RASA3: variants seen among roughly 807,000 people sequenced by gnomAD.
The protein encoded by RASA3 is RAS p21 protein activator 3, also known as ras GTPase-activating protein 3.
RASA3 carries 73 observed loss-of-function variants against 110.0 expected under a neutral mutation model. The observed-to-expected ratio is 0.66, with a 90% CI of 0.55 to 0.81. RASA3 has a LOEUF of 0.81. Among genes scored for constraint, RASA3 ranks in the 30% least tolerant of loss-of-function variants. The pLI is 0.00. For missense variants in RASA3, 976 were observed against 1,113.2 expected (o/e 0.88, Z 1.75); for synonymous variants, 500 against 451.4 (o/e 1.11, Z -1.37).
rs781521643 is a variant in RASA3 at position 114,052,039 on chromosome 13, A to G, written c.277+13T>C. ...GGCAGAAAAGGGGAAGTAAATGCTC[A>G]TTCATCACCTACCTATGATGGAATC... On this transcript the variant is annotated intron_variant, in intron 3 of 23. Coordinates refer to ENST00000334062, the MANE Select transcript of RASA3 (RefSeq NM_007368.4). 1 of 1,565,276 alleles carries G rather than the reference A, an allele frequency of 6.4e-7. No homozygotes were observed. The highest frequency in any genetic ancestry group is 1.7e-5 in the Admixed American group (1 of 59,900).
chr13:114,063,696 G>A (rs1274473174), intron 2 of RASA3, among the ~76,000 whole-genome samples: 3 of 152,200 alleles, frequency 2.0e-5, no homozygotes, highest in African/African-American at 7.2e-5. Flanking sequence ...CCCTGGGAAC[G>A]CAGATCTGTG....
At chr13:114,013,901 TC>T (rs2053720007) in intron 14 of RASA3, among the ~76,000 whole-genome samples, 1 of 30,550 alleles carries the variant, frequency 3.3e-5, no homozygotes, top group African/African-American at 4.6e-4. Flanking sequence ...TCTTTTTCTC[TC>T]TTTCTCTGTC....
intron 2 of RASA3, among the ~76,000 whole-genome samples, chr13:114,064,269 T>C (rs1695209437): frequency 6.6e-6 from 1 of 152,180 alleles, no homozygotes; most frequent in African/African-American, 2.4e-5. Context: ...GTGGGCAGAA[T>C]GGCCTACGCC....
At chr13:114,091,907 G>C (rs947943328) in intron 1 of RASA3, among the ~76,000 whole-genome samples, 1 of 152,046 alleles carries the variant, frequency 6.6e-6, no homozygotes. Context: ...ACCTTGGTAG[G>C]TTGTATGTGT....
At chr13:114,097,201 G>C (rs2079957976) in intron 1 of RASA3, among the ~76,000 whole-genome samples, 1 of 152,242 alleles carries the variant, frequency 6.6e-6, no homozygotes. Flanking sequence ...GAACTGTCCA[G>C]GGGCGAGAGG....
chr13:114,027,708 A>G, intron 6 of RASA3, 139 bp downstream of exon 6: 1 of 964,536 alleles, frequency 1.0e-6, no homozygotes, highest in Admixed American at 2.0e-5. Context: ...AAAGAAAACA[A>G]AAGGAAGTAA....
Position 114,016,251 on chromosome 13 carries a change from G to C in RASA3, c.1227C>G (p.Pro409=), listed in dbSNP as rs2053788909. ...TCAACTTCACAGGGTCGATTTCACA[G>C]GGTTTGTGGCTCTGGCATATCTGGG... is the stretch of plus-strand genomic sequence containing the variant. ...AIEEICQSHK[P]CEIDPVKLKD... The change falls in exon 13 of 24, where the codon CCC becomes CCG. Residue 409 remains proline (P), a synonymous_variant. Coordinates refer to ENST00000334062, the MANE Select transcript of RASA3 (RefSeq NM_007368.4). 1.3e-6 allele frequency: 2 copies of C among 1,599,126 alleles called. No individual in the cohort carries two copies. Among genetic ancestry groups the C allele is most frequent in the African/African-American group, 2.7e-5 (2 of 74,542 alleles).
At chr13:113,996,492 T>G in intron 21 of RASA3, 39 bp downstream of exon 21, 1 of 1,584,776 alleles carries the variant, frequency 6.3e-7, no homozygotes, top group Non-Finnish European at 8.6e-7. Context: ...CCACATTTCC[T>G]GCACAGTGCA....
At chr13:114,125,103 G>GCTT (rs2080427769) in intron 1 of RASA3, among the ~76,000 whole-genome samples, 1 of 152,078 alleles carries the variant, frequency 6.6e-6, no homozygotes, top group Non-Finnish European at 1.5e-5. Context: ...CTCTCATTTT[G>GCTT]CTTCTTTTGA....
intron 1 of RASA3, among the ~76,000 whole-genome samples, chr13:114,100,903 C>T (rs1055728727): frequency 6.6e-6 from 1 of 152,210 alleles, no homozygotes; most frequent in African/African-American, 2.4e-5. Context: ...CTGAGAATGC[C>T]ACACAATTTT....
At chr13:114,104,394 T>TCCCC (rs2080105955) in intron 1 of RASA3, among the ~76,000 whole-genome samples, 1 of 148,542 alleles carries the variant, frequency 6.7e-6, no homozygotes. Context: ...CACCCACTGG[T>TCCCC]GATGCGGCCT....
intron 1 of RASA3, among the ~76,000 whole-genome samples, chr13:114,093,818 T>C (rs2079913748): frequency 6.6e-6 from 1 of 152,214 alleles, no homozygotes; most frequent in Non-Finnish European, 1.5e-5. Flanking sequence ...TCCTTCTATT[T>C]GATCAGTTCT....
chr13:114,046,562 C>T lies in RASA3; in HGVS notation c.278-5468G>A, dbSNP rs147125233. On this transcript the variant is annotated intron_variant, in intron 3 of 23. Coordinates refer to ENST00000334062, the MANE Select transcript of RASA3 (RefSeq NM_007368.4). ...AAAAAGGGTGGTAATTTCCGAGTCA[C>T]GGGGTTGTTCCTATGGAAAGGGGTG... Among the ~76,000 whole-genome samples the T allele has an allele frequency of 6.0e-3, 907 of 152,308 alleles. 7 individuals carry two copies. The highest frequency in any genetic ancestry group is 0.041 in the Middle Eastern group (12 of 294).
intron 1 of RASA3, among the ~76,000 whole-genome samples, chr13:114,120,778 T>C (rs1049896724): frequency 2.0e-5 from 3 of 152,234 alleles, no homozygotes; most frequent in Non-Finnish European, 4.4e-5. Flanking sequence ...AACACTCTCT[T>C]CTCCTGACTT....
chr13:114,017,124 G>T, intron 12 of RASA3, 113 bp downstream of exon 12: 1 of 939,836 alleles, frequency 1.1e-6, no homozygotes, highest in Non-Finnish European at 1.7e-6. Context: ...AGGCCAGAGG[G>T]GCCGACATTC....
intron 13 of RASA3, 72 bp downstream of exon 13, chr13:114,016,125 C>T: frequency 7.2e-7 from 1 of 1,385,422 alleles, no homozygotes; most frequent in Non-Finnish European, 1.0e-6. Context: ...TGAGTCAGAG[C>T]TTCCAGGCAG....
rs757453693 is a variant in RASA3, at chr13:113,978,191, A to G, written c.*1156T>C. Reference sequence around the variant, plus strand: ...CATTTTTAGGATGCTCCCCTCCCCAATAAAACAGCAGCCCCCGCCCCTGCC... The same window carrying G: ...CATTTTTAGGATGCTCCCCTCCCCAGTAAAACAGCAGCCCCCGCCCCTGCC... On this transcript the variant is annotated 3_prime_UTR_variant, in exon 24 of 24. Coordinates refer to ENST00000334062, the MANE Select transcript of RASA3 (RefSeq NM_007368.4). 6.6e-6 allele frequency: 1 copy of G among 152,204 alleles called. No individual in the cohort carries two copies. Among genetic ancestry groups the G allele is most frequent in the Non-Finnish European group, 1.5e-5 (1 of 68,072 alleles). The allele number at this position is 152,204 out of a possible 1,614,324, so 9.4% of individuals were successfully genotyped here.
Position 114,009,431 on chromosome 13 carries a change from A to G in RASA3, c.1624T>C (p.Tyr542His). 6.2e-7 allele frequency: 1 copy of G among 1,612,498 alleles called. No individual in the cohort carries two copies. Among genetic ancestry groups the G allele is most frequent in the Non-Finnish European group, 8.5e-7 (1 of 1,179,582 alleles). ...SFKESYMATF[Y>H]EFFNEQKYAD... ...TATTTCTGCTCATTGAAGAATTCAT[A>G]AAATGTAGCCATGTAGGACTCCTTA... Residue 542 changes from tyrosine to histidine, a missense_variant, in exon 17 of 24, where the codon TAT becomes CAT. Physicochemically the swap from Tyr to His is moderately conservative, Grantham distance 83 (BLOSUM62 2). Transcript: ENST00000334062.
At chr13:114,021,344 C>T in intron 9 of RASA3, 60 bp downstream of exon 9, 7 of 1,473,682 alleles carry the variant, frequency 4.8e-6, no homozygotes, top group Non-Finnish European at 6.6e-6. Flanking sequence ...CACTCAGAGG[C>T]AGCACGTGTT....
Sources: gnomAD v4.1 joint callset for allele counts (sites outside exome capture counted in the v4.1 genomes callset) on GRCh38, gnomAD v4.1.1 for gene constraint, MANE v1.5 for transcripts, NCBI Gene and HGNC (gene_info 2026-07-23, HGNC 2026-07-21) for gene names.